GPR84: variants seen among roughly 807,000 people sequenced by gnomAD.
GPR84 encodes the protein G protein-coupled receptor 84.
Under a neutral mutation model 14.9 loss-of-function variants are expected in GPR84, and 8 were observed. The ratio of observed to expected loss-of-function variants is 0.54; its 90% CI spans 0.31 to 0.97. The LOEUF is 0.97. Among genes scored for constraint, GPR84 ranks in the 50% least tolerant of loss-of-function variants. The probability of loss-of-function intolerance (pLI) is 0.04; values close to 1 mark genes in which losing one functional copy is unlikely to be tolerated. For synonymous variants in GPR84, 164 were observed against 198.1 expected (o/e 0.83, Z 1.45); for missense variants, 424 against 498.7 (o/e 0.85, Z 1.43).
chr12:54,355,271 G>A, the GPR84 span, among the ~76,000 whole-genome samples: 2 of 152,056 alleles, frequency 1.3e-5, no homozygotes, highest in African/African-American at 2.4e-5. Flanking sequence ...GAGGGGCCAG[G>A]CAAAGGGCAG....
At chr12:54,351,611 G>A in the GPR84 span, 2 of 152,136 alleles carry the variant, frequency 1.3e-5, no homozygotes, top group Non-Finnish European at 2.9e-5. Context: ...ACTCACTCTT[G>A]GGTCTAATCT....
rs749758853 is a variant in GPR84, at chr12:54,362,828, C to A, written c.1024G>T (p.Asp342Tyr). 1.9e-6 allele frequency: 3 copies of A among 1,614,190 alleles called. No homozygotes were observed. Among genetic ancestry groups the A allele is most frequent in the South Asian group, 2.2e-5 (2 of 91,074 alleles). The stretch of plus-strand genomic sequence containing the variant: ...ACCCGGGGAGCCTGGACTCTGGCAT[C>A]CAGAATGTTGAGCAGCAAGAAGGGG... ...YIPFLLLNIL[D>Y]ARVQAPRVVH... The change falls in exon 2 of 2, where the codon GAT becomes TAT. Residue 342 changes from aspartate (D) to tyrosine (Y), a missense_variant. Transcript: ENST00000267015. This position sits in a 1 kb window ranked among gnomAD's most constrained non-coding sequence, Gnocchi z 4.0.
chr12:54,359,467 GA>G (rs1012298222), downstream of GPR84, among the ~76,000 whole-genome samples: 1 of 1,284 alleles, frequency 7.8e-4, no homozygotes, highest in Non-Finnish European at 6.2e-3. Context: ...ACGAGCTTAG[GA>G]GAAAAAAAAA....
the GPR84 span, among the ~76,000 whole-genome samples, chr12:54,355,350 G>GTA: frequency 6.6e-6 from 1 of 151,794 alleles, no homozygotes; most frequent in Admixed American, 6.6e-5. Flanking sequence ...GTGTGTGTGT[G>GTA]TGTGCGCATG....
chr12:54,360,293 G>A (rs1954255730), downstream of GPR84, among the ~76,000 whole-genome samples: 1 of 152,090 alleles, frequency 6.6e-6, no homozygotes, highest in African/African-American at 2.4e-5. Context: ...GATACTTCAT[G>A]GTAATTTTGT....
Position 54,363,500 on chromosome 12 carries a change from G to A in GPR84, c.352C>T (p.Arg118Cys), listed in dbSNP as rs145386200. ...ILTLCLIALG[R>C]YLLIAHPKLF... ...TTAGGGTGGGCAATGAGGAGGTAGC[G>A]TCCCAGTGCGATGAGGCAGAGGGTC... The change falls in exon 2 of 2, where the codon CGC (arginine) becomes TGC (cysteine). Residue 118 changes from arginine (R) to cysteine (C), a missense_variant. Arg to Cys is a radical substitution (Grantham distance 180, BLOSUM62 -3). Coordinates refer to ENST00000267015, the MANE Select transcript of GPR84 (RefSeq NM_020370.3). The A allele has an allele frequency of 5.9e-5, 95 of 1,613,990 alleles. 1 individual carries two copies. Among genetic ancestry groups the A allele is most frequent in the East Asian group, 4.9e-4 (22 of 44,886 alleles).
chr12:54,362,785 G>T lies in GPR84; in HGVS notation c.1067C>A (p.Ala356Asp). 1 of 1,614,142 alleles carries T rather than the reference G, an allele frequency of 6.2e-7. No individual in the cohort carries two copies. Among genetic ancestry groups the T allele is most frequent in the Non-Finnish European group, 8.5e-7 (1 of 1,179,990 alleles). ...GCAACCATTGAGCCAGGTGAGGTTG[G>T]CAGCAAGCATGTGGACCACCCGGGG... ...QAPRVVHMLAANLTWLNGCIN... is the reference protein window; with the variant it reads ...QAPRVVHMLADNLTWLNGCIN... The change falls in exon 2 of 2, where the codon GCC becomes GAC. Residue 356 changes from alanine to aspartate, a missense_variant. By Grantham distance (126) the Ala-to-Asp change is moderately radical. Transcript: ENST00000267015. The surrounding 1 kb of genome is among the most constrained non-coding windows in gnomAD (Gnocchi z 4.0).
intron 1 of GPR84, chr12:54,364,153 C>T (rs1954305084): frequency 1.6e-5 from 4 of 257,038 alleles, no homozygotes. Context: ...CTATATCCAT[C>T]CCGCTGCTCT....
the GPR84 span, among the ~76,000 whole-genome samples, chr12:54,353,302 C>T: frequency 6.6e-6 from 1 of 152,306 alleles, no homozygotes; most frequent in East Asian, 1.9e-4. Flanking sequence ...TGTTTGTGAG[C>T]CTTTCCCTCT....
rs749758853 is a variant in GPR84 at position 54,362,828 on chromosome 12, C to G, written c.1024G>C (p.Asp342His). 2 of 1,614,190 alleles carry G rather than the reference C, an allele frequency of 1.2e-6. No homozygotes were observed. Among genetic ancestry groups the G allele is most frequent in the African/African-American group, 1.3e-5 (1 of 75,040 alleles). ...YIPFLLLNIL[D>H]ARVQAPRVVH... ...ACCCGGGGAGCCTGGACTCTGGCAT[C>G]CAGAATGTTGAGCAGCAAGAAGGGG... is the stretch of plus-strand genomic sequence containing the variant. Residue 342 changes from aspartate to histidine, a missense_variant, in exon 2 of 2, where the codon GAT becomes CAT. Asp to His is a moderately conservative substitution (Grantham distance 81). Transcript: ENST00000267015. The surrounding 1 kb of genome is among the most constrained non-coding windows in gnomAD (Gnocchi z 4.0).
rs1261153088 is a variant in GPR84 at position 54,363,374 on chromosome 12, T to C, written c.478A>G (p.Ile160Val). The change falls in exon 2 of 2, where the codon ATC (isoleucine) becomes GTC (valine). Residue 160 changes from isoleucine (I) to valine (V), a missense_variant. Coordinates refer to ENST00000267015, the MANE Select transcript of GPR84 (RefSeq NM_020370.3). The part of the protein sequence containing the change: ...ASFAPLWPIY[I>V]LVPVVCTCSF... The stretch of plus-strand genomic sequence containing the variant: ...CAGGTGCAGACTACAGGTACCAGGA[T>C]ATAAATAGGCCAGAGGGGAGCAAAG... 1.2e-6 allele frequency: 2 copies of C among 1,614,048 alleles called. No homozygotes were observed. The highest frequency in any genetic ancestry group is 1.7e-6 in the Non-Finnish European group (2 of 1,179,998).
In GPR84 at chr12:54,363,753, T is replaced by C; in HGVS notation, c.99A>G (p.Thr33=). 6.2e-7 allele frequency: 1 copy of C among 1,613,894 alleles called. No homozygotes were observed. Among genetic ancestry groups the C allele is most frequent in the Non-Finnish European group, 8.5e-7 (1 of 1,179,962 alleles). ...AVSWGVVVAV[T]GTVGNVLTLL... is the part of the protein sequence containing the mutation. ...GGGTGAGCACATTGCCCACGGTGCCTGTCACAGCCACCACCACCCCCCAGC... is the reference window on the plus strand; with the variant it reads ...GGGTGAGCACATTGCCCACGGTGCCCGTCACAGCCACCACCACCCCCCAGC... Residue 33 remains threonine (T), a synonymous_variant, in exon 2 of 2, where the codon ACA becomes ACG. Transcript: ENST00000267015.
downstream of GPR84, among the ~76,000 whole-genome samples, chr12:54,361,165 T>C (rs1954264220): frequency 6.6e-6 from 1 of 151,734 alleles, no homozygotes; most frequent in South Asian, 2.1e-4. The surrounding 1 kb of genome is among the most constrained non-coding windows in gnomAD (Gnocchi z 4.3). Context: ...GTCTTTGTTT[T>C]CCTGCTTTCT....
the GPR84 span, among the ~76,000 whole-genome samples, chr12:54,356,427 G>A: frequency 6.6e-6 from 1 of 152,178 alleles, no homozygotes. Flanking sequence ...TGCTTGAGGA[G>A]AGGGAACAGT....
chr12:54,352,996 T>C, the GPR84 span, among the ~76,000 whole-genome samples: 1 of 152,208 alleles, frequency 6.6e-6, no homozygotes, highest in Non-Finnish European at 1.5e-5. Context: ...AGGGGCAGTG[T>C]CAGTGCCAGA....
Position 54,363,572 on chromosome 12 carries a change from T to C in GPR84, c.280A>G (p.Arg94Gly), listed in dbSNP as rs777713183. The change falls in exon 2 of 2, where the codon AGG (arginine) becomes GGG (glycine). Residue 94 changes from arginine to glycine, a missense_variant. Arg to Gly is a moderately radical substitution (Grantham distance 125). Coordinates refer to ENST00000267015, the MANE Select transcript of GPR84 (RefSeq NM_020370.3). ...GCAAAAAGGAGGAGCCCAAATACCC[T>C]GCAGAAGGTGGCACCGGTGCGCCAG... ...LHWRTGATFCRVFGLLLFASN... is the reference protein window; with the variant it reads ...LHWRTGATFCGVFGLLLFASN... 1.4e-5 allele frequency: 22 copies of C among 1,614,008 alleles called. No homozygotes were observed. The highest frequency in any genetic ancestry group is 1.6e-4 in the Middle Eastern group (1 of 6,084).
At chr12:54,356,997 C>T in the GPR84 span, among the ~76,000 whole-genome samples, 7 of 152,142 alleles carry the variant, frequency 4.6e-5, no homozygotes, top group Non-Finnish European at 1.0e-4. Flanking sequence ...CCTCAGTCCC[C>T]CTTCCCCCAG....
Position 54,363,721 on chromosome 12 carries a change from G to A in GPR84, c.131C>T (p.Ala44Val), listed in dbSNP as rs1350404089. The change falls in exon 2 of 2, where the codon GCC becomes GTC. Residue 44 changes from alanine to valine, a missense_variant. Physicochemically the swap from Ala to Val is moderately conservative, Grantham distance 64. Coordinates refer to ENST00000267015, the MANE Select transcript of GPR84 (RefSeq NM_020370.3). ...ACGGAGCTTGGGCTGGATGGCCAAGGCCAGTAGGGTGAGCACATTGCCCAC... is the reference window on the plus strand; with the variant it reads ...ACGGAGCTTGGGCTGGATGGCCAAGACCAGTAGGGTGAGCACATTGCCCAC... ...GTVGNVLTLL[A>V]LAIQPKLRTR... 3 of 1,613,992 alleles carry A rather than the reference G, an allele frequency of 1.9e-6. No homozygotes were observed. The East Asian group carries it at 6.7e-5, about 36-fold the overall frequency.
At chr12:54,350,801 G>A in the GPR84 span, 1 of 509,170 alleles carries the variant, frequency 2.0e-6, no homozygotes. Flanking sequence ...ATGCTCACAT[G>A]CTCCCTTGCC....
Sources: allele counts gnomAD v4.1 joint callset (sites outside exome capture counted in the v4.1 genomes callset), GRCh38; gene constraint gnomAD v4.1.1; non-coding constraint Gnocchi (gnomAD v3.1); transcripts MANE v1.5; gene names NCBI Gene and HGNC (gene_info 2026-07-23, HGNC 2026-07-21).